BRINP3: variants seen among roughly 807,000 people sequenced by gnomAD.
BRINP3 encodes BMP/retinoic acid inducible neural specific 3.
Under a neutral mutation model 71.0 loss-of-function variants are expected in BRINP3, and 19 were observed. That is an observed-to-expected ratio of 0.27 (90% CI 0.19 to 0.39). The LOEUF (loss-of-function observed/expected upper bound fraction) is 0.39. Among genes scored for constraint, BRINP3 ranks in the 10% least tolerant of loss-of-function variants. The pLI is 1.00. For missense variants in BRINP3, 959 were observed against 940.8 expected, an observed-to-expected ratio of 1.02 and a Z score of -0.25; for synonymous variants, 380 against 337.7, an observed-to-expected ratio of 1.13 and a Z score of -1.37.
At chr1:190,196,697 CTT>C (rs1654510763) in intron 6 of BRINP3, among the ~76,000 whole-genome samples, 1 of 151,450 alleles carries the variant, frequency 6.6e-6, no homozygotes, top group South Asian at 2.1e-4. Flanking sequence ...ATATGTAACT[CTT>C]AAGAAAATTT....
At chr1:190,448,457 T>TGGGGGG (rs1431741017) in intron 2 of BRINP3, among the ~76,000 whole-genome samples, 14 of 113,224 alleles carry the variant, frequency 1.2e-4, no homozygotes, top group African/African-American at 4.4e-4. Context: ...CCCCTACACT[T>TGGGGGG]GGGGTTTGTG....
rs1676883300 is a variant in BRINP3, at chr1:190,468,125, T to A, written c.-51+9323A>T. On this transcript the variant is annotated intron_variant, in intron 1 of 7. Transcript: ENST00000367462. ...TTTTAATTAATAGTTAATAATTGTC[T>A]GGTTTCAGATCTTGAGCAAATTGTC... 5.3e-5 allele frequency among the ~76,000 whole-genome samples: 8 copies of A among 151,196 alleles called. No homozygotes were observed. The South Asian group carries it at 1.7e-3, about 31-fold the overall frequency.
intron 2 of BRINP3, among the ~76,000 whole-genome samples, chr1:190,411,105 T>C (rs1192540703): frequency 6.6e-6 from 1 of 152,044 alleles, no homozygotes; most frequent in Non-Finnish European, 1.5e-5. Context: ...TAAGGATAGA[T>C]ACACAAATCA....
intron 7 of BRINP3, among the ~76,000 whole-genome samples, chr1:190,153,207 A>C (rs943519901): frequency 3.9e-5 from 6 of 152,134 alleles, no homozygotes; most frequent in African/African-American, 1.4e-4. Flanking sequence ...GGCTCCCTTG[A>C]ATCGGAATTC....
chr1:190,472,812 T>TACACACACACACAC (rs67049979), intron 1 of BRINP3, among the ~76,000 whole-genome samples: 84 of 147,580 alleles, frequency 5.7e-4, no homozygotes, highest in South Asian at 8.5e-4. Flanking sequence ...TGGTAGAAAT[T>TACACACACACACAC]ACACACACAC....
chr1:190,160,862 T>C lies in BRINP3; in HGVS notation c.990A>G (p.Leu330=). 1.2e-6 allele frequency: 2 copies of C among 1,606,494 alleles called. No individual in the cohort carries two copies. The highest frequency in any genetic ancestry group is 1.7e-6 in the Non-Finnish European group (2 of 1,177,300). ...SDEFKLFMKR[L]PMNYFLNTST... ...ATGTGTTGAGGAAATAATTCATAGG[T>C]AGCCTTTTCATAAATAACTTGAATT... Residue 330 remains leucine, a synonymous_variant, in exon 7 of 8, where the codon CTA becomes CTG. Transcript: ENST00000367462.
chr1:190,388,391 T>C (rs938603965), intron 2 of BRINP3, among the ~76,000 whole-genome samples: 6 of 151,712 alleles, frequency 4.0e-5, no homozygotes, highest in African/African-American at 1.5e-4. Context: ...AAATAGAGTA[T>C]TTAGAACAAA....
intron 7 of BRINP3, among the ~76,000 whole-genome samples, chr1:190,122,088 A>G (rs1389794651): frequency 2.6e-5 from 4 of 152,172 alleles, no homozygotes; most frequent in Non-Finnish European, 5.9e-5. Flanking sequence ...TGAGAACTCC[A>G]CTTGTAAGAT....
chr1:190,334,485 C>T (rs1486073811), intron 2 of BRINP3, among the ~76,000 whole-genome samples: 1 of 151,498 alleles, frequency 6.6e-6, no homozygotes, highest in Admixed American at 6.6e-5. Flanking sequence ...TATATATTAT[C>T]GCTGGAGGGA....
intron 2 of BRINP3, among the ~76,000 whole-genome samples, chr1:190,319,243 C>A (rs985894635): frequency 2.0e-5 from 3 of 152,036 alleles, no homozygotes; most frequent in Non-Finnish European, 2.9e-5. Flanking sequence ...GAATACCTTA[C>A]GCTCCCTTAT....
chr1:190,314,584 T>C (rs1318259519), intron 2 of BRINP3, among the ~76,000 whole-genome samples: 1 of 152,150 alleles, frequency 6.6e-6, no homozygotes, highest in Non-Finnish European at 1.5e-5. Flanking sequence ...GAGATGTCAG[T>C]GGCCTCTAGA....
In BRINP3 at chr1:190,468,221, ATTAAAGAATCATG is replaced by A. The variant is rs1676891595; in HGVS notation, c.-51+9214_-51+9226del. ...ATTTCAAAATTATATCACTTCTGTA[ATTAAAGAATCATG>A]ATAATAAACTTATTTACCTTACTAA... On this transcript the variant is annotated intron_variant, in intron 1 of 7. Transcript: ENST00000367462. 3.3e-5 allele frequency among the ~76,000 whole-genome samples: 5 copies of A among 151,506 alleles called. No homozygotes were observed. The South Asian group carries it at 1.0e-3, about 31-fold the overall frequency.
intron 2 of BRINP3, among the ~76,000 whole-genome samples, chr1:190,307,260 T>TG (rs1665175694): frequency 2.4e-5 from 1 of 41,014 alleles, no homozygotes; most frequent in Non-Finnish European, 6.1e-5. Flanking sequence ...AAAACATTGT[T>TG]TTTTTTTTTT....
intron 2 of BRINP3, among the ~76,000 whole-genome samples, chr1:190,354,920 T>A (rs569230561): frequency 4.4e-4 from 67 of 151,954 alleles, no homozygotes; most frequent in African/African-American, 1.6e-3. Flanking sequence ...AATAACAACT[T>A]TTAATAAAAT....
intron 2 of BRINP3, among the ~76,000 whole-genome samples, chr1:190,399,236 C>G (rs1294686761): frequency 1.3e-5 from 2 of 151,784 alleles, no homozygotes; most frequent in Non-Finnish European, 2.9e-5. Flanking sequence ...AAATGAAAAA[C>G]AAATATCCAC....
At chr1:190,239,285 C>T (rs1191369963) in intron 4 of BRINP3, among the ~76,000 whole-genome samples, 1 of 152,038 alleles carries the variant, frequency 6.6e-6, no homozygotes, top group African/African-American at 2.4e-5. Context: ...GAATACTGTA[C>T]TACAGTAAGA....
intron 2 of BRINP3, among the ~76,000 whole-genome samples, chr1:190,450,015 C>G (rs1675499648): frequency 1.3e-5 from 2 of 152,088 alleles, no homozygotes; most frequent in East Asian, 3.9e-4. Context: ...ATATTTTCTG[C>G]TTCTTTATTT....
rs559355657 is a variant in BRINP3 at position 190,371,314 on chromosome 1, T to C, written c.236+83341A>G. Reference sequence around the variant, plus strand: ...AGTAGTTTTAAAATTTCAATTGTTATGTACAAGTTTTTAATCCATTTTGAG... The same window carrying C: ...AGTAGTTTTAAAATTTCAATTGTTACGTACAAGTTTTTAATCCATTTTGAG... On this transcript the variant is annotated intron_variant, in intron 2 of 7. Transcript: ENST00000367462. Among the ~76,000 whole-genome samples, 5 of 152,350 alleles carry C rather than the reference T, an allele frequency of 3.3e-5. No homozygotes were observed. In the East Asian group the frequency reaches 7.7e-4, roughly 23 times the overall value.
intron 2 of BRINP3, among the ~76,000 whole-genome samples, chr1:190,354,287 G>A (rs1177393934): frequency 6.6e-6 from 1 of 151,852 alleles, no homozygotes; most frequent in African/African-American, 2.4e-5. Context: ...CTGAAAATGG[G>A]GTGCTAGTGG....
Sources: allele counts gnomAD v4.1 joint callset (sites outside exome capture counted in the v4.1 genomes callset), GRCh38; gene constraint gnomAD v4.1.1; transcripts MANE v1.5; gene names NCBI Gene and HGNC (gene_info 2026-07-23, HGNC 2026-07-21).